LCLAT1: variants seen among roughly 807,000 people sequenced by gnomAD.
LCLAT1 encodes the protein 1-AGP acyltransferase 8.
In LCLAT1, 11 loss-of-function variants were observed where a neutral mutation model predicts 30.7. The observed-to-expected ratio is 0.36, with a 90% confidence interval of 0.23 to 0.59. The LOEUF (loss-of-function observed/expected upper bound fraction) is 0.59. Ranked by LOEUF, LCLAT1 falls within the 20% of genes least tolerant of loss-of-function variation. The pLI, the probability that LCLAT1 is intolerant of heterozygous loss-of-function variation, is 0.77. For missense variants in LCLAT1, 402 were observed against 458.6 expected, an observed-to-expected ratio of 0.88 and a Z score of 1.13; for synonymous variants, 155 against 151.3, an observed-to-expected ratio of 1.02 and a Z score of -0.18.
At chr2:30,449,635 G>A (rs1448683250) in intron 1 of LCLAT1, among the ~76,000 whole-genome samples, 2 of 152,000 alleles carry the variant, frequency 1.3e-5, no homozygotes, top group African/African-American at 2.4e-5. Flanking sequence ...TGAGTAGCTG[G>A]GATTACAGAC....
At chr2:30,505,306 T>G (rs979615873) in intron 1 of LCLAT1, among the ~76,000 whole-genome samples, 1 of 149,796 alleles carries the variant, frequency 6.7e-6, no homozygotes, top group Non-Finnish European at 1.5e-5. Flanking sequence ...CAACAATGAT[T>G]TTTAGAATAT....
intron 1 of LCLAT1, among the ~76,000 whole-genome samples, chr2:30,518,154 T>TA (rs1275914540): frequency 2.6e-5 from 4 of 152,208 alleles, no homozygotes; most frequent in African/African-American, 9.6e-5. Context: ...TCAAAAATCT[T>TA]AAAGTATCGG....
chr2:30,601,678 T>G (rs55674232), intron 5 of LCLAT1, among the ~76,000 whole-genome samples: 1 of 150,972 alleles, frequency 6.6e-6, no homozygotes, highest in African/African-American at 2.5e-5. Context: ...AGATGCACTT[T>G]AAAACAATAT....
intron 1 of LCLAT1, among the ~76,000 whole-genome samples, chr2:30,464,174 C>G (rs1224279694): frequency 6.6e-6 from 1 of 152,082 alleles, no homozygotes; most frequent in East Asian, 1.9e-4. Context: ...TGGTGTCATG[C>G]TACATATTAG....
intron 3 of LCLAT1, among the ~76,000 whole-genome samples, chr2:30,549,924 C>T (rs1664606132): frequency 6.6e-6 from 1 of 152,142 alleles, no homozygotes; most frequent in African/African-American, 2.4e-5. Flanking sequence ...GAATACCAGG[C>T]AGGGACATAT....
intron 4 of LCLAT1, among the ~76,000 whole-genome samples, chr2:30,565,780 G>GGA (rs201093695): frequency 3.4e-4 from 51 of 152,158 alleles, no homozygotes; most frequent in African/African-American, 1.2e-3. Context: ...GGCAGGATAA[G>GGA]GAGAGAGAGA....
intron 5 of LCLAT1, among the ~76,000 whole-genome samples, chr2:30,601,456 T>C (rs1667180601): frequency 6.6e-6 from 1 of 152,188 alleles, no homozygotes; most frequent in Non-Finnish European, 1.5e-5. Context: ...ACATAATTAT[T>C]AAAGTGGTAA....
chr2:30,565,075 G>A (rs1665412863), intron 4 of LCLAT1, among the ~76,000 whole-genome samples: 1 of 152,040 alleles, frequency 6.6e-6, no homozygotes, highest in Non-Finnish European at 1.5e-5. Flanking sequence ...GTTATTCTTG[G>A]GTTAGGGAGT....
chr2:30,515,269 A>G (rs984337847), intron 1 of LCLAT1, among the ~76,000 whole-genome samples: 1 of 152,074 alleles, frequency 6.6e-6, no homozygotes, highest in African/African-American at 2.4e-5. Flanking sequence ...CATACCTCCT[A>G]TCCCTCTATT....
chr2:30,554,696 C>G (rs1051617542), intron 3 of LCLAT1, among the ~76,000 whole-genome samples: 40 of 152,136 alleles, frequency 2.6e-4, no homozygotes, highest in African/African-American at 8.9e-4. Context: ...CAATTTGTTC[C>G]TAAAAATGGC....
At chr2:30,494,855 T>C (rs1684025321) in intron 1 of LCLAT1, among the ~76,000 whole-genome samples, 1 of 151,692 alleles carries the variant, frequency 6.6e-6, no homozygotes, top group Non-Finnish European at 1.5e-5. Context: ...TTATCACTGA[T>C]TTTTCTGTTT....
intron 1 of LCLAT1, among the ~76,000 whole-genome samples, chr2:30,481,424 T>C (rs1411845646): frequency 6.6e-6 from 1 of 152,004 alleles, no homozygotes; most frequent in Non-Finnish European, 1.5e-5. Context: ...AACTGATGGC[T>C]GAGTGATAGG....
intron 1 of LCLAT1, among the ~76,000 whole-genome samples, chr2:30,466,224 T>C (rs1315304894): frequency 7.1e-6 from 1 of 141,482 alleles, no homozygotes; most frequent in South Asian, 2.5e-4. Flanking sequence ...TTTCTGTGTT[T>C]TCTTTTTTTC....
chr2:30,609,443 G>A (rs1039501164), intron 5 of LCLAT1, among the ~76,000 whole-genome samples: 4 of 152,064 alleles, frequency 2.6e-5, no homozygotes, highest in African/African-American at 9.7e-5. Flanking sequence ...CCAACAGTGT[G>A]TACTTAATCT....
rs553068114 is a variant in LCLAT1 at position 30,640,418 on chromosome 2, C to G, written c.930C>G (p.Leu310=). ...SELRVLVVKL[L]SILYWTLFSP... is the part of the protein sequence containing the mutation. Reference sequence around the variant, plus strand: ...TCAGGGTCCTTGTGGTCAAATTGCTCTCTATACTGTATTGGACCCTGTTCA... The same window carrying G: ...TCAGGGTCCTTGTGGTCAAATTGCTGTCTATACTGTATTGGACCCTGTTCA... Residue 310 remains leucine, a synonymous_variant, in exon 6 of 6, where the codon CTC becomes CTG. Transcript: ENST00000379509. 11 of 1,614,178 alleles carry G rather than the reference C, an allele frequency of 6.8e-6. No homozygotes were observed. The highest frequency in any genetic ancestry group is 6.7e-5 in the African/African-American group (5 of 75,026).
intron 1 of LCLAT1, among the ~76,000 whole-genome samples, chr2:30,519,666 A>G (rs1685376897): frequency 6.6e-6 from 1 of 152,206 alleles, no homozygotes; most frequent in Non-Finnish European, 1.5e-5. Flanking sequence ...GGCTAAAAGC[A>G]GGAGGTAAAG....
At chr2:30,523,822 C>G (rs1014698303) in intron 1 of LCLAT1, among the ~76,000 whole-genome samples, 1 of 152,170 alleles carries the variant, frequency 6.6e-6, no homozygotes, top group Non-Finnish European at 1.5e-5. Context: ...GAGCCCAGAT[C>G]GCACCACTGT....
intron 5 of LCLAT1, among the ~76,000 whole-genome samples, chr2:30,568,705 C>T (rs1239801245): frequency 6.6e-6 from 1 of 150,676 alleles, no homozygotes; most frequent in African/African-American, 2.4e-5. Flanking sequence ...GAGGGGGTTT[C>T]AACATGTTAG....
At chr2:30,629,086 A>T (rs938378465) in intron 5 of LCLAT1, among the ~76,000 whole-genome samples, 3 of 152,228 alleles carry the variant, frequency 2.0e-5, no homozygotes, top group Admixed American at 6.5e-5. Flanking sequence ...TTTACAGAGG[A>T]GCAAATCCAA....
Sources: allele counts gnomAD v4.1 joint callset (sites outside exome capture counted in the v4.1 genomes callset), GRCh38; gene constraint gnomAD v4.1.1; transcripts MANE v1.5; gene names NCBI Gene and HGNC (gene_info 2026-07-23, HGNC 2026-07-21).